FSIP2: variants seen among roughly 807,000 people sequenced by gnomAD.
FSIP2 encodes fibrous sheath interacting protein 2, also known as fibrous sheath-interacting protein 2.
A neutral mutation model predicts 510.5 loss-of-function variants in FSIP2; 367 were observed. That is an observed-to-expected ratio of 0.72 (90% CI 0.66 to 0.78). The LOEUF (loss-of-function observed/expected upper bound fraction) is 0.78. Ranked by LOEUF, FSIP2 falls within the 30% of genes least tolerant of loss-of-function variation. FSIP2 has a pLI of 0.00. For synonymous variants in FSIP2, 2,601 were observed against 2,732.2 expected, an observed-to-expected ratio of 0.95 and a Z score of 1.50; for missense variants, 7,594 against 7,901.7, an observed-to-expected ratio of 0.96 and a Z score of 1.48.
chr2:185,794,170 A>G lies in FSIP2; in HGVS notation c.7034A>G (p.Gln2345Arg). 1 of 1,534,404 alleles carries G rather than the reference A, an allele frequency of 6.5e-7. No individual in the cohort carries two copies. The highest frequency in any genetic ancestry group is 1.4e-5 in the African/African-American group (1 of 73,012). ...EKLGSTIHLS[Q>R]ARLKTYADVI... is the part of the protein sequence containing the mutation. ...CTTGGATCCACAATTCACCTATCGC[A>G]AGCTAGGCTTAAGACATATGCTGAC... Residue 2345 changes from glutamine to arginine, a missense_variant, in exon 16 of 23, where the codon CAA becomes CGA. Gln to Arg is a conservative substitution (Grantham distance 43). Coordinates refer to ENST00000424728, the MANE Select transcript of FSIP2 (RefSeq NM_173651.4).
chr2:185,803,524 G>T lies in FSIP2; in HGVS notation c.14218G>T (p.Asp4740Tyr). ...ITNIILAEIFDFQIHPDLIAN... is the reference protein window; with the variant it reads ...ITNIILAEIFYFQIHPDLIAN... ...TAATATCATCCTGGCTGAAATTTTT[G>T]ATTTCCAAATTCATCCAGATCTTAT... The change falls in exon 17 of 23, where the codon GAT becomes TAT. Residue 4740 changes from aspartate (D) to tyrosine (Y), a missense_variant. Transcript: ENST00000424728. 1 of 1,532,644 alleles carries T rather than the reference G, an allele frequency of 6.5e-7. No homozygotes were observed. Among genetic ancestry groups the T allele is most frequent in the Non-Finnish European group, 8.7e-7 (1 of 1,144,822 alleles). 94.9% of individuals were successfully genotyped at this position (1,532,644 alleles called of 1,614,324 possible).
chr2:185,793,834 TAGAGAAAGA>T lies in FSIP2; in HGVS notation c.6702_6710del (p.Glu2234_Glu2236del). On this transcript the variant is annotated inframe_deletion, in exon 16 of 23. Transcript: ENST00000424728. ...GCTGATGATAATCAGATAACTGTAG[TAGAGAAAGA>T]AGACACTCAGAAATCTGCTACTGAC... is the stretch of plus-strand genomic sequence containing the variant. The T allele has an allele frequency of 6.5e-7, 1 of 1,532,600 alleles. No homozygotes were observed. The highest frequency in any genetic ancestry group is 1.2e-5 in the South Asian group (1 of 83,596). The allele number at this position is 1,532,600 out of a possible 1,614,324, so 94.9% of individuals were successfully genotyped here. A position where few individuals can be genotyped will look rare whatever the true frequency, so the allele number is the denominator to read the frequency against.
chr2:185,766,878 T>C (rs923507598), intron 13 of FSIP2, among the ~76,000 whole-genome samples: 3 of 126,056 alleles, frequency 2.4e-5, no homozygotes, highest in Admixed American at 8.0e-5. Flanking sequence ...CGTATGTTTA[T>C]TGTGGCATTA....
In FSIP2 at chr2:185,801,903, T is replaced by C. The variant is rs1431679383; in HGVS notation, c.12597T>C (p.Tyr4199=). The C allele has an allele frequency of 2.0e-5, 30 of 1,495,982 alleles. 1 individual carries two copies. The highest frequency in any genetic ancestry group is 2.3e-5 in the Non-Finnish European group (26 of 1,118,722). The allele number at this position is 1,495,982 out of a possible 1,614,324, so 92.7% of individuals were successfully genotyped here. A position where few individuals can be genotyped will look rare whatever the true frequency, so the allele number is the denominator to read the frequency against. ...AACATAAAATCTGGTTCACTATATA[T>C]GATAATCAATATCTATATACTGGAA... ...ISKHKIWFTI[Y]DNQYLYTGKN... Residue 4199 remains tyrosine, a synonymous_variant, in exon 17 of 23, where the codon TAT becomes TAC. Coordinates refer to ENST00000424728, the MANE Select transcript of FSIP2 (RefSeq NM_173651.4).
At position 185,808,650 on chromosome 2, in the gene FSIP2, A is replaced by G; in HGVS notation, c.19344A>G (p.Thr6448=). The G allele has an allele frequency of 6.2e-7, 1 of 1,606,104 alleles. No homozygotes were observed. Among genetic ancestry groups the G allele is most frequent in the East Asian group, 2.2e-5 (1 of 44,672 alleles). The part of the protein sequence containing the change: ...EFYYDIKDTN[T]AFPKKVASLI... The stretch of plus-strand genomic sequence containing the variant: ...ATTATGATATAAAAGATACAAATAC[A>G]GCCTTTCCTAAAAAAGTGGCTAGTT... The change falls in exon 17 of 23, where the codon ACA becomes ACG. Residue 6448 remains threonine, a synonymous_variant. Coordinates refer to ENST00000424728, the MANE Select transcript of FSIP2 (RefSeq NM_173651.4).
chr2:185,744,351 G>T lies in FSIP2; in HGVS notation c.417G>T (p.Lys139Asn). 8.0e-7 allele frequency: 1 copy of T among 1,251,330 alleles called. No homozygotes were observed. The highest frequency in any genetic ancestry group is 1.0e-6 in the Non-Finnish European group (1 of 955,434). 77.5% of individuals were successfully genotyped at this position (1,251,330 alleles called of 1,614,324 possible). Residue 139 changes from lysine to asparagine, a missense_variant, in exon 4 of 23, where the codon AAG becomes AAT. By Grantham distance (94) the Lys-to-Asn change is moderately conservative. Coordinates refer to ENST00000424728, the MANE Select transcript of FSIP2 (RefSeq NM_173651.4). ...KVVCTLRELN[K>N]YRQYLTSLKL... The stretch of plus-strand genomic sequence containing the variant: ...TATGTACCTTGAGAGAATTGAATAA[G>T]TACAGGCAATATCTTACCAGTTTAA...
At chr2:185,763,583 A>C (rs1287863686) in intron 12 of FSIP2, among the ~76,000 whole-genome samples, 1 of 151,532 alleles carries the variant, frequency 6.6e-6, no homozygotes, top group Non-Finnish European at 1.5e-5. Flanking sequence ...GTGATCAGTT[A>C]CCTGCTGTTC....
intron 19 of FSIP2, among the ~76,000 whole-genome samples, chr2:185,821,097 A>G (rs1693910674): frequency 6.7e-6 from 1 of 150,260 alleles, no homozygotes; most frequent in Non-Finnish European, 1.5e-5. Context: ...CTCAGCTAAA[A>G]TCATAAATGA....
At position 185,802,916 on chromosome 2, in the gene FSIP2, A is replaced by C; in HGVS notation, c.13610A>C (p.Glu4537Ala). 6.7e-7 allele frequency: 1 copy of C among 1,502,820 alleles called. No homozygotes were observed. Among genetic ancestry groups the C allele is most frequent in the Non-Finnish European group, 8.8e-7 (1 of 1,134,684 alleles). 93.1% of individuals were successfully genotyped at this position (1,502,820 alleles called of 1,614,324 possible). Residue 4537 changes from glutamate (E) to alanine (A), a missense_variant, in exon 17 of 23, where the codon GAA becomes GCA. Coordinates refer to ENST00000424728, the MANE Select transcript of FSIP2 (RefSeq NM_173651.4). ...EEEETKFIYS[E>A]DDIQHLVDSV... ...GAAGAAACCAAGTTTATTTATTCAGAAGATGATATTCAGCACCTTGTTGAT... is the reference window on the plus strand; with the variant it reads ...GAAGAAACCAAGTTTATTTATTCAGCAGATGATATTCAGCACCTTGTTGAT...
In FSIP2 at chr2:185,738,909, C is replaced by T. The variant is rs1243001581; in HGVS notation, c.15C>T (p.Leu5=). 3.3e-6 allele frequency: 5 copies of T among 1,535,064 alleles called. No individual in the cohort carries two copies. Among genetic ancestry groups the T allele is most frequent in the Non-Finnish European group, 4.4e-6 (5 of 1,146,694 alleles). Residue 5 remains leucine, a synonymous_variant, in exon 1 of 23, where the codon CTC becomes CTT. Transcript: ENST00000424728. ...CTGTGCCGGCCATGGAGCTGTACCT[C>T]GGCGCCTGCTCCAAGCCTGCCAAAG... MELY[L]GACSKPAKVA... is the part of the protein sequence containing the mutation.
In FSIP2 at chr2:185,808,785, A is replaced by G; in HGVS notation, c.19479A>G (p.Gln6493=). The stretch of plus-strand genomic sequence containing the variant: ...TTAATAGAATTGTTCAAAAGGCCCA[A>G]GAACATGCTTTTAATGTGATTCCTG... ...LDVNRIVQKA[Q]EHAFNVIPEL... Residue 6493 remains glutamine (Q), a synonymous_variant, in exon 17 of 23, where the codon CAA becomes CAG. Transcript: ENST00000424728. 6.2e-7 allele frequency: 1 copy of G among 1,612,894 alleles called. No homozygotes were observed. Among genetic ancestry groups the G allele is most frequent in the African/African-American group, 1.3e-5 (1 of 74,972 alleles).
At position 185,739,371 on chromosome 2, in the gene FSIP2, G is replaced by A; in HGVS notation, c.125G>A (p.Gly42Glu). 6.5e-7 allele frequency: 1 copy of A among 1,533,332 alleles called. No individual in the cohort carries two copies. Among genetic ancestry groups the A allele is most frequent in the Non-Finnish European group, 8.7e-7 (1 of 1,146,022 alleles). 95.0% of individuals were successfully genotyped at this position (1,533,332 alleles called of 1,614,324 possible). Residue 42 changes from glycine to glutamate, a missense_variant, in exon 2 of 23, where the codon GGG becomes GAG. Physicochemically the swap from Gly to Glu is moderately conservative, Grantham distance 98. Transcript: ENST00000424728. ...RDGVHKTHFAGVGPAQLLDLP... is the reference protein window; with the variant it reads ...RDGVHKTHFAEVGPAQLLDLP... Reference sequence around the variant, plus strand: ...GGCGTGCACAAAACCCACTTTGCAGGGGTTGGACCGGCTCAGCTACTGGAC... The same window carrying A: ...GGCGTGCACAAAACCCACTTTGCAGAGGTTGGACCGGCTCAGCTACTGGAC...
At chr2:185,818,049 A>T (rs535519960) in intron 19 of FSIP2, among the ~76,000 whole-genome samples, 2 of 151,962 alleles carry the variant, frequency 1.3e-5, no homozygotes, top group Non-Finnish European at 2.9e-5. Context: ...GGATACCCCA[A>T]TTACCCTGAC....
rs1335516863 is a variant in FSIP2 at position 185,803,964 on chromosome 2, C to G, written c.14658C>G (p.Ser4886Arg). ...AGTCCATTACAAAAGATAAAAAGAG[C>G]ATAAGTGACATACCTGTTTCAAAAA... The part of the protein sequence containing the change: ...IYQSITKDKK[S>R]ISDIPVSKIA... Residue 4886 changes from serine (S) to arginine (R), a missense_variant, in exon 17 of 23, where the codon AGC (serine) becomes AGG (arginine). Ser to Arg is a moderately radical substitution (Grantham distance 110). Coordinates refer to ENST00000424728, the MANE Select transcript of FSIP2 (RefSeq NM_173651.4). 1.1e-5 allele frequency: 17 copies of G among 1,500,834 alleles called. No individual in the cohort carries two copies. The East Asian group carries it at 4.2e-4, about 37-fold the overall frequency. The allele number at this position is 1,500,834 out of a possible 1,614,324, so 93.0% of individuals were successfully genotyped here.
At position 185,807,122 on chromosome 2, in the gene FSIP2, A is replaced by C; in HGVS notation, c.17816A>C (p.Asn5939Thr). The C allele has an allele frequency of 1.2e-6, 2 of 1,600,860 alleles. No homozygotes were observed. Among genetic ancestry groups the C allele is most frequent in the Non-Finnish European group, 8.5e-7 (1 of 1,175,590 alleles). The stretch of plus-strand genomic sequence containing the variant: ...CAAGACTCTATTTGGAAGAATATAA[A>C]CAGTAATGGAGAAAATTTAGCAAGA... ...GSQDSIWKNI[N>T]SNGENLARRL... Residue 5939 changes from asparagine (N) to threonine (T), a missense_variant, in exon 17 of 23, where the codon AAC (asparagine) becomes ACC (threonine). Coordinates refer to ENST00000424728, the MANE Select transcript of FSIP2 (RefSeq NM_173651.4).
chr2:185,751,781 G>A (rs1331274689), intron 7 of FSIP2, among the ~76,000 whole-genome samples: 1 of 150,956 alleles, frequency 6.6e-6, no homozygotes, highest in Non-Finnish European at 1.5e-5. Context: ...TAATTTATTA[G>A]GGTAGCTCTT....
intron 9 of FSIP2, among the ~76,000 whole-genome samples, chr2:185,758,276 T>C (rs918960271): frequency 6.6e-6 from 1 of 151,072 alleles, no homozygotes; most frequent in Non-Finnish European, 1.5e-5. Flanking sequence ...ATGTATTGAA[T>C]GACTAGAAGT....
At chr2:185,828,658 C>G (rs549289891) in intron 21 of FSIP2, among the ~76,000 whole-genome samples, 1 of 151,900 alleles carries the variant, frequency 6.6e-6, no homozygotes, top group African/African-American at 2.4e-5. Flanking sequence ...TTTCTGTATT[C>G]CTAAACATTA....
chr2:185,796,499 C>T lies in FSIP2; in HGVS notation c.9363C>T (p.Ile3121=), dbSNP rs1165438399. 1 of 1,534,988 alleles carries T rather than the reference C, an allele frequency of 6.5e-7. No individual in the cohort carries two copies. The highest frequency in any genetic ancestry group is 8.7e-7 in the Non-Finnish European group (1 of 1,146,170). ...ILKENIVASE[I]IGTLMDQCTY... ...AAGAGAACATTGTAGCAAGTGAGAT[C>T]ATTGGCACACTAATGGACCAGTGTA... The change falls in exon 16 of 23, where the codon ATC becomes ATT. Residue 3121 remains isoleucine, a synonymous_variant. Coordinates refer to ENST00000424728, the MANE Select transcript of FSIP2 (RefSeq NM_173651.4).
Sources: allele counts gnomAD v4.1 joint callset (sites outside exome capture counted in the v4.1 genomes callset), GRCh38; gene constraint gnomAD v4.1.1; transcripts MANE v1.5; gene names NCBI Gene and HGNC (gene_info 2026-07-23, HGNC 2026-07-21).